SLC4A4: variants seen among roughly 807,000 people sequenced by gnomAD.
SLC4A4 encodes the protein solute carrier family 4 member 4, also known as electrogenic sodium bicarbonate cotransporter 1.
In SLC4A4, 27 loss-of-function variants were observed where a neutral mutation model predicts 111.5. The observed-to-expected ratio is 0.24, with a 90% CI of 0.18 to 0.33. The LOEUF is 0.33. SLC4A4 is among the 10% of genes least tolerant of loss of function. SLC4A4 has a pLI of 1.00. For synonymous variants in SLC4A4, 443 were observed against 463.4 expected (o/e 0.96, Z 0.57); for missense variants, 909 against 1,315.5 (o/e 0.69, Z 4.78).
At chr4:71,547,135 A>T (rs1735610129) in intron 19 of SLC4A4, among the ~76,000 whole-genome samples, 1 of 151,930 alleles carries the variant, frequency 6.6e-6, no homozygotes, top group African/African-American at 2.4e-5. Context: ...GAGGGGGTGT[A>T]GGATGGGAAT....
intron 3 of SLC4A4, among the ~76,000 whole-genome samples, chr4:71,268,579 A>T (rs1001021516): frequency 8.5e-5 from 13 of 152,092 alleles, no homozygotes; most frequent in Non-Finnish European, 5.9e-5. Flanking sequence ...GAATTTTGAA[A>T]CCTTTATTAC....
chr4:71,216,975 C>A (rs1301063679), intron 1 of SLC4A4, among the ~76,000 whole-genome samples: 2 of 152,112 alleles, frequency 1.3e-5, no homozygotes, highest in East Asian at 3.9e-4. Flanking sequence ...GTCCATTTTT[C>A]AGATGAGAAA....
chr4:71,343,927 C>CAGTT (rs147060620), intron 4 of SLC4A4, among the ~76,000 whole-genome samples: 2,003 of 152,202 alleles, frequency 0.013, 47 homozygotes, highest in African/African-American at 0.046. Flanking sequence ...TGAACCCCCA[C>CAGTT]AGTTATCTGC....
At chr4:71,079,610 T>G (rs1341402294) in intron 1 of SLC4A4, among the ~76,000 whole-genome samples, 3 of 151,798 alleles carry the variant, frequency 2.0e-5, no homozygotes, top group Non-Finnish European at 4.4e-5. Flanking sequence ...ACCCTATCTC[T>G]CTAAAAATAC....
intron 7 of SLC4A4, among the ~76,000 whole-genome samples, chr4:71,419,269 TTTTG>T (rs1299506531): frequency 6.6e-6 from 1 of 152,230 alleles, no homozygotes; most frequent in East Asian, 1.9e-4. Context: ...ACTGCTGTCC[TTTTG>T]TTTGTCTGTG....
intron 1 of SLC4A4, among the ~76,000 whole-genome samples, chr4:71,086,933 G>C (rs1005972267): frequency 6.6e-6 from 1 of 152,038 alleles, no homozygotes; most frequent in Non-Finnish European, 1.5e-5. Flanking sequence ...ATGAGTTAGG[G>C]AGGATTCCCT....
intron 3 of SLC4A4, among the ~76,000 whole-genome samples, chr4:71,337,050 G>A (rs750054460): frequency 1.1e-4 from 17 of 152,144 alleles, no homozygotes; most frequent in Non-Finnish European, 2.4e-4. Context: ...CAACAAACAC[G>A]CAGTGATCAA....
chr4:71,303,688 A>G (rs1725450921), intron 3 of SLC4A4, among the ~76,000 whole-genome samples: 1 of 152,182 alleles, frequency 6.6e-6, no homozygotes, highest in Non-Finnish European at 1.5e-5. Flanking sequence ...ACAGAATTGC[A>G]GCTATAGCAT....
Position 71,339,494 on chromosome 4 carries a change from G to A in SLC4A4, c.378G>A (p.Lys126=), listed in dbSNP as rs549042834. Residue 126 remains lysine (K), a synonymous_variant, in exon 4 of 26, where the codon AAG becomes AAA. Coordinates refer to ENST00000264485, the MANE Select transcript of SLC4A4 (RefSeq NM_001098484.3). ...TGGATGGGCAGGAGATGGAGTGGAAGGAAACAGCCAGGTGAGGCATAGCTG... is the reference window on the plus strand; with the variant it reads ...TGGATGGGCAGGAGATGGAGTGGAAAGAAACAGCCAGGTGAGGCATAGCTG... ...LAVDGQEMEW[K]ETARWIKFEE... 8 of 1,613,494 alleles carry A rather than the reference G, an allele frequency of 5.0e-6. No homozygotes were observed. In the East Asian group the frequency reaches 1.6e-4, roughly 31 times the overall value.
chr4:71,315,499 A>G (rs1726609624), intron 3 of SLC4A4, among the ~76,000 whole-genome samples: 1 of 152,150 alleles, frequency 6.6e-6, no homozygotes. Context: ...TTGCCAAGCC[A>G]TGGTACAGGC....
At chr4:71,549,577 T>C (rs1440966143) in intron 20 of SLC4A4, among the ~76,000 whole-genome samples, 2 of 151,874 alleles carry the variant, frequency 1.3e-5, no homozygotes, top group Non-Finnish European at 2.9e-5. Flanking sequence ...TATTTTTATA[T>C]TATTTCTTTT....
chr4:71,162,693 C>T (rs1007375179), intron 2 of SLC4A4, among the ~76,000 whole-genome samples: 3 of 152,018 alleles, frequency 2.0e-5, no homozygotes, highest in African/African-American at 7.3e-5. Context: ...AACATTTTAT[C>T]TTTGTGTTTG....
intron 6 of SLC4A4, among the ~76,000 whole-genome samples, chr4:71,382,706 G>A (rs576773875): frequency 1.3e-5 from 2 of 152,276 alleles, no homozygotes; most frequent in East Asian, 1.9e-4. Context: ...TGGATGAGAA[G>A]TTGGTTAGAT....
At chr4:71,316,750 GT>G (rs571166079) in intron 3 of SLC4A4, among the ~76,000 whole-genome samples, 3 of 151,958 alleles carry the variant, frequency 2.0e-5, no homozygotes, top group Non-Finnish European at 4.4e-5. Flanking sequence ...TTCCTTCCCT[GT>G]GTTCCACATG....
chr4:71,482,726 G>T (rs1297444504), intron 14 of SLC4A4, among the ~76,000 whole-genome samples: 1 of 151,574 alleles, frequency 6.6e-6, no homozygotes, highest in East Asian at 1.9e-4. Flanking sequence ...TTCCTCAAAA[G>T]CTCAGACAGA....
chr4:71,530,658 A>G (rs1733838276), intron 16 of SLC4A4, among the ~76,000 whole-genome samples: 1 of 152,122 alleles, frequency 6.6e-6, no homozygotes, highest in Non-Finnish European at 1.5e-5. Context: ...GCCAAAAGGA[A>G]CAGCTCTGAT....
chr4:71,277,604 CTCCT>C (rs111421338), intron 3 of SLC4A4, among the ~76,000 whole-genome samples: 4,682 of 143,294 alleles, frequency 0.033, 158 homozygotes, highest in East Asian at 0.14. Flanking sequence ...TTCTCTCTCT[CTCCT>C]TCCTTCCTTC....
At chr4:71,117,012 T>C (rs959515569) in intron 2 of SLC4A4, among the ~76,000 whole-genome samples, 1 of 152,104 alleles carries the variant, frequency 6.6e-6, no homozygotes, top group African/African-American at 2.4e-5. Flanking sequence ...GGTCTCACTC[T>C]ATTGTCCAGG....
intron 1 of SLC4A4, among the ~76,000 whole-genome samples, chr4:71,084,636 T>A (rs530464344): frequency 6.6e-6 from 1 of 152,100 alleles, no homozygotes; most frequent in East Asian, 1.9e-4. Flanking sequence ...TTCCCACCTC[T>A]GAGTAAGAAC....
Sources: gnomAD v4.1 joint callset for allele counts (sites outside exome capture counted in the v4.1 genomes callset) on GRCh38, gnomAD v4.1.1 for gene constraint, MANE v1.5 for transcripts, NCBI Gene and HGNC (gene_info 2026-07-23, HGNC 2026-07-21) for gene names.